Variants in TENM2 observed in about 807,000 individuals in gnomAD.
The protein encoded by TENM2 is teneurin-2.
Under a neutral mutation model 245.2 loss-of-function variants are expected in TENM2, and 52 were observed. The ratio of observed to expected loss-of-function variants is 0.21; its 90% confidence interval spans 0.17 to 0.27. The LOEUF (loss-of-function observed/expected upper bound fraction) is 0.27. Among genes scored for constraint, TENM2 ranks in the 10% least tolerant of loss-of-function variants. The probability of loss-of-function intolerance (pLI) is 1.00; values close to 1 mark genes in which losing one functional copy is unlikely to be tolerated. For missense variants in TENM2, 3,046 were observed against 3,666.8 expected (o/e 0.83, Z 4.37); for synonymous variants, 1,363 against 1,438.9 (o/e 0.95, Z 1.19).
At chr5:167,876,183 G>A (rs1773409910) in exon 3 of TENM2, 3 of 1,551,344 alleles carry the variant, frequency 1.9e-6, no homozygotes, top group South Asian at 1.2e-5. Context: ...GCCCCAGCAA[G>A]CCTCCAGCAG....
intron 2 of TENM2, among the ~76,000 whole-genome samples, chr5:167,745,220 CT>C (rs1175043446): frequency 2.6e-5 from 4 of 152,336 alleles, no homozygotes; most frequent in East Asian, 1.9e-4. Flanking sequence ...GTGGCTACCC[CT>C]GATGGAGGCA....
chr5:167,128,137 G>A, the TENM2 span, among the ~76,000 whole-genome samples: 1 of 152,174 alleles, frequency 6.6e-6, no homozygotes, highest in Non-Finnish European at 1.5e-5. Flanking sequence ...CAAAAACGCA[G>A]CGCTCTTCTA....
chr5:167,515,099 A>G (rs1770235056), intron 2 of TENM2, among the ~76,000 whole-genome samples: 1 of 152,222 alleles, frequency 6.6e-6, no homozygotes, highest in East Asian at 1.9e-4. Flanking sequence ...GTAAACACCG[A>G]AAGTGAGAGT....
chr5:167,174,451 T>C, the TENM2 span, among the ~76,000 whole-genome samples: 1 of 152,182 alleles, frequency 6.6e-6, no homozygotes, highest in African/African-American at 2.4e-5. Context: ...AATACTTTCA[T>C]GAAATACTGA....
intron 1 of TENM2, among the ~76,000 whole-genome samples, chr5:167,318,701 A>G (rs866785357): frequency 1.3e-5 from 2 of 152,150 alleles, no homozygotes; most frequent in African/African-American, 2.4e-5. Context: ...TCAGGATCCT[A>G]TGCCTTATTT....
chr5:168,106,863 C>A (rs763645054), intron 9 of TENM2, among the ~76,000 whole-genome samples: 7 of 152,182 alleles, frequency 4.6e-5, no homozygotes, highest in African/African-American at 7.2e-5. Context: ...CAGTTCATGA[C>A]CAGCCTGGGC....
chr5:167,733,152 C>T lies in TENM2; in HGVS notation c.503-142834C>T, dbSNP rs1040908349. On this transcript the variant is annotated intron_variant, in intron 2 of 28. Coordinates refer to ENST00000518659, the Ensembl canonical transcript of TENM2. ...AGAAAGGCATATTCCCAGGCAGTGG[C>T]GGAGTTGATTGGTCACCTGCTACCC... is the stretch of plus-strand genomic sequence containing the variant. 3.9e-5 allele frequency among the ~76,000 whole-genome samples: 6 copies of T among 152,152 alleles called. 1 individual carries two copies. Among genetic ancestry groups the T allele is most frequent in the South Asian group, 2.1e-4 (1 of 4,834 alleles).
At chr5:168,001,627 C>T (rs2161422) in intron 5 of TENM2, among the ~76,000 whole-genome samples, 21,305 of 152,244 alleles carry the variant, frequency 0.14, 1,844 homozygotes, top group Admixed American at 0.26. Context: ...CAACAGAAAC[C>T]TAACCCAAAG....
At chr5:167,398,175 C>A (rs1200920707) in intron 2 of TENM2, among the ~76,000 whole-genome samples, 1 of 152,060 alleles carries the variant, frequency 6.6e-6, no homozygotes, top group Non-Finnish European at 1.5e-5. Flanking sequence ...TGAAGACAAT[C>A]GAGGCTATAG....
chr5:167,519,771 C>A (rs186198143), intron 2 of TENM2, among the ~76,000 whole-genome samples: 2 of 152,154 alleles, frequency 1.3e-5, no homozygotes, highest in Admixed American at 6.5e-5. Context: ...TTTAGACCTA[C>A]AATTCACAAT....
At chr5:167,734,785 T>A (rs1463560518) in intron 2 of TENM2, among the ~76,000 whole-genome samples, 4 of 152,206 alleles carry the variant, frequency 2.6e-5, no homozygotes, top group Non-Finnish European at 5.9e-5. Context: ...GCAGAGATGA[T>A]CCTGCACAGC....
intron 3 of TENM2, among the ~76,000 whole-genome samples, chr5:167,895,023 G>C (rs1402849481): frequency 7.7e-6 from 1 of 129,694 alleles, no homozygotes; most frequent in Non-Finnish European, 1.6e-5. Flanking sequence ...GGGAGGGAGG[G>C]AGGGAGGCAG....
At chr5:168,005,634 AT>A (rs1562042417) in intron 5 of TENM2, among the ~76,000 whole-genome samples, 1 of 152,220 alleles carries the variant, frequency 6.6e-6, no homozygotes, top group Non-Finnish European at 1.5e-5. Context: ...ATACAGTAGG[AT>A]TTTGTTGGAA....
At chr5:167,023,045 A>AT in the TENM2 span, among the ~76,000 whole-genome samples, 1 of 152,164 alleles carries the variant, frequency 6.6e-6, no homozygotes, top group Non-Finnish European at 1.5e-5. Context: ...GTGTACTAAT[A>AT]TGGCCTCTGG....
the TENM2 span, among the ~76,000 whole-genome samples, chr5:167,173,439 C>T: frequency 6.6e-6 from 1 of 152,154 alleles, no homozygotes; most frequent in Non-Finnish European, 1.5e-5. Flanking sequence ...GGCTAGGCTA[C>T]CTGTGTGGAT....
At chr5:167,144,010 A>C in the TENM2 span, among the ~76,000 whole-genome samples, 3 of 152,154 alleles carry the variant, frequency 2.0e-5, no homozygotes, top group African/African-American at 7.2e-5. Context: ...CCCTTCTGTG[A>C]TCGCTCATCA....
chr5:167,325,826 C>T (rs909072775), intron 1 of TENM2, among the ~76,000 whole-genome samples: 4 of 152,152 alleles, frequency 2.6e-5, no homozygotes, highest in Non-Finnish European at 5.9e-5. Flanking sequence ...ATCTGTTCTG[C>T]CCTGAACTTA....
At chr5:167,136,155 C>G in the TENM2 span, among the ~76,000 whole-genome samples, 1 of 152,156 alleles carries the variant, frequency 6.6e-6, no homozygotes, top group Non-Finnish European at 1.5e-5. Flanking sequence ...GTTCTTTATG[C>G]ACCTATGTAA....
At chr5:167,961,781 A>T (rs1156990151) in intron 4 of TENM2, among the ~76,000 whole-genome samples, 1 of 152,222 alleles carries the variant, frequency 6.6e-6, no homozygotes, top group Non-Finnish European at 1.5e-5. Flanking sequence ...GAAAGATAGT[A>T]AACTATGAGC....
Sources: allele counts gnomAD v4.1 joint callset (sites outside exome capture counted in the v4.1 genomes callset), GRCh38; gene constraint gnomAD v4.1.1; transcripts MANE v1.5; gene names NCBI Gene and HGNC (gene_info 2026-07-23, HGNC 2026-07-21).